The following CNTNAP2 variants were observed in gnomAD, a reference collection of about 807,000 sequenced individuals.
The protein encoded by CNTNAP2 is contactin associated protein 2, also known as contactin-associated protein-like 2.
A neutral mutation model predicts 155.2 loss-of-function variants in CNTNAP2; 98 were observed. The observed-to-expected ratio is 0.63, with a 90% confidence interval of 0.54 to 0.75. CNTNAP2 has a LOEUF of 0.75. Ranked by LOEUF, CNTNAP2 falls within the 30% of genes least tolerant of loss-of-function variation. CNTNAP2 has a pLI of 0.00. For missense variants in CNTNAP2, 1,727 were observed against 1,688.1 expected (o/e 1.02, Z -0.40); for synonymous variants, 651 against 631.2 (o/e 1.03, Z -0.47).
intron 13 of CNTNAP2, among the ~76,000 whole-genome samples, chr7:147,813,779 A>G (rs777633480): frequency 3.1e-4 from 47 of 152,212 alleles, no homozygotes; most frequent in Non-Finnish European, 5.4e-4. Flanking sequence ...ATAGCAGTTA[A>G]GAAGTCTGAA....
At chr7:147,335,809 A>G (rs1344832873) in intron 9 of CNTNAP2, among the ~76,000 whole-genome samples, 2 of 152,156 alleles carry the variant, frequency 1.3e-5, no homozygotes, top group Non-Finnish European at 2.9e-5. Flanking sequence ...ATTTAGCCTT[A>G]TTATTCCCAA....
At chr7:147,178,177 T>C (rs1563104596) in intron 8 of CNTNAP2, among the ~76,000 whole-genome samples, 2 of 152,308 alleles carry the variant, frequency 1.3e-5, no homozygotes, top group East Asian at 1.9e-4. Flanking sequence ...ATTATTGGGT[T>C]TATCCAGGTG....
intron 10 of CNTNAP2, among the ~76,000 whole-genome samples, chr7:147,429,548 G>C (rs904300839): frequency 6.6e-6 from 1 of 151,898 alleles, no homozygotes; most frequent in Non-Finnish European, 1.5e-5. Context: ...TTCTTTTGCT[G>C]TGCAAAAGCT....
At chr7:148,111,416 T>A (rs930663759) in intron 15 of CNTNAP2, among the ~76,000 whole-genome samples, 1 of 152,020 alleles carries the variant, frequency 6.6e-6, no homozygotes, top group Non-Finnish European at 1.5e-5. Flanking sequence ...GAAATAATAC[T>A]TGGAAATTTA....
chr7:147,767,777 A>C (rs1400118435), intron 13 of CNTNAP2, among the ~76,000 whole-genome samples: 1 of 152,110 alleles, frequency 6.6e-6, no homozygotes, highest in Non-Finnish European at 1.5e-5. Flanking sequence ...TACTTTTCAG[A>C]GAAACAAAGG....
At position 146,851,700 on chromosome 7, in the gene CNTNAP2, G is replaced by GTGTGTT. The variant is rs1794882755; in HGVS notation, c.402+11797_402+11798insGTGTTT. On this transcript the variant is annotated intron_variant, in intron 3 of 23. Transcript: ENST00000361727. ...TGTGTGTGTGTGTGTGTGTGTGTGT[G>GTGTGTT]TTTTGATGGTATTGCTCTGTCACCC... Among the ~76,000 whole-genome samples the GTGTGTT allele has an allele frequency of 2.3e-5, 3 of 129,660 alleles. No homozygotes were observed. The South Asian group carries it at 7.4e-4, about 32-fold the overall frequency. The allele number at this position is 129,660 out of a possible 152,430, so 85.1% of individuals were successfully genotyped here.
Position 147,226,555 on chromosome 7 carries a change from G to A in CNTNAP2, c.1349-73586G>A, listed in dbSNP as rs139402681. 3.3e-5 allele frequency among the ~76,000 whole-genome samples: 5 copies of A among 152,032 alleles called. No individual in the cohort carries two copies. The East Asian group carries it at 9.7e-4, about 29-fold the overall frequency. The stretch of plus-strand genomic sequence containing the variant: ...GAAGCCAAAAAAAAAAATCATTAGA[G>A]GAAACTTTCCTTCTCTCACCCATGT... On this transcript the variant is annotated intron_variant, in intron 8 of 23. Coordinates refer to ENST00000361727, the MANE Select transcript of CNTNAP2 (RefSeq NM_014141.6).
At chr7:147,046,998 C>G (rs1416929237) in intron 4 of CNTNAP2, among the ~76,000 whole-genome samples, 2 of 139,264 alleles carry the variant, frequency 1.4e-5, no homozygotes, top group Non-Finnish European at 3.0e-5. Context: ...CACCACTGTA[C>G]TCCAACCTGG....
At chr7:148,092,879 TA>T (rs11321148) in intron 15 of CNTNAP2, among the ~76,000 whole-genome samples, 21,724 of 122,676 alleles carry the variant, frequency 0.18, 3,096 homozygotes, top group African/African-American at 0.42. Flanking sequence ...AGTCTCAATT[TA>T]AAAAAAAAAA....
At chr7:146,871,551 T>A (rs949092340) in intron 3 of CNTNAP2, among the ~76,000 whole-genome samples, 5 of 151,330 alleles carry the variant, frequency 3.3e-5, no homozygotes, top group African/African-American at 7.3e-5. Context: ...ATAAATAAAT[T>A]AAATAAATAA....
chr7:148,051,910 C>T (rs938925920), intron 15 of CNTNAP2, among the ~76,000 whole-genome samples: 4 of 152,044 alleles, frequency 2.6e-5, no homozygotes, highest in African/African-American at 7.2e-5. Flanking sequence ...GAGGCCGAGG[C>T]GGGTGGATCA....
chr7:146,294,514 T>C (rs528429866), intron 1 of CNTNAP2, among the ~76,000 whole-genome samples: 4 of 152,236 alleles, frequency 2.6e-5, no homozygotes, highest in Non-Finnish European at 4.4e-5. Context: ...TGTTAACTAA[T>C]GCAAAGATAT....
At chr7:146,227,167 T>C (rs1179018790) in intron 1 of CNTNAP2, among the ~76,000 whole-genome samples, 4 of 152,162 alleles carry the variant, frequency 2.6e-5, no homozygotes, top group Non-Finnish European at 5.9e-5. Context: ...GGCTCACGCC[T>C]GTATTCCCAG....
intron 1 of CNTNAP2, among the ~76,000 whole-genome samples, chr7:146,750,159 C>G (rs2129182383): frequency 6.6e-6 from 1 of 152,256 alleles, no homozygotes; most frequent in African/African-American, 2.4e-5. Flanking sequence ...CAAATTATCT[C>G]AACATCAACT....
intron 13 of CNTNAP2, among the ~76,000 whole-genome samples, chr7:147,667,813 A>AT (rs200978902): frequency 0.01 from 1,491 of 148,212 alleles, 37 homozygotes; most frequent in African/African-American, 0.037. Flanking sequence ...AAAAATAATA[A>AT]AAAAAATAAA....
chr7:147,240,421 A>T (rs1408342364), intron 8 of CNTNAP2, among the ~76,000 whole-genome samples: 1 of 152,234 alleles, frequency 6.6e-6, no homozygotes, highest in Non-Finnish European at 1.5e-5. Context: ...AAACAAGGTG[A>T]TTAGCTCACT....
chr7:146,519,299 T>A (rs1797583509), intron 1 of CNTNAP2, among the ~76,000 whole-genome samples: 2 of 151,986 alleles, frequency 1.3e-5, no homozygotes, highest in South Asian at 4.1e-4. Context: ...AGAATTACAA[T>A]CAGGGCAAAT....
intron 1 of CNTNAP2, among the ~76,000 whole-genome samples, chr7:146,139,510 T>A (rs1157056338): frequency 6.6e-6 from 1 of 152,126 alleles, no homozygotes; most frequent in South Asian, 2.1e-4. Flanking sequence ...GGAAGATGTG[T>A]TTGTATTAGA....
intron 1 of CNTNAP2, among the ~76,000 whole-genome samples, chr7:146,460,025 G>A (rs113743266): frequency 2.0e-5 from 3 of 152,202 alleles, no homozygotes; most frequent in African/African-American, 7.2e-5. Context: ...ATGCTTGTGA[G>A]AGGCAGAACA....
Sources: allele counts gnomAD v4.1 joint callset (sites outside exome capture counted in the v4.1 genomes callset), GRCh38; gene constraint gnomAD v4.1.1; transcripts MANE v1.5; gene names NCBI Gene and HGNC (gene_info 2026-07-23, HGNC 2026-07-21).